Variants in ITSN2 observed in about 807,000 individuals in gnomAD.
ITSN2 encodes the protein intersectin-2.
In ITSN2, 156 loss-of-function variants were observed where a neutral mutation model predicts 243.7. The ratio of observed to expected loss-of-function variants is 0.64; its 90% confidence interval spans 0.56 to 0.73. The LOEUF (loss-of-function observed/expected upper bound fraction) is 0.73, where lower values mean the gene tolerates loss of function less well. Among genes scored for constraint, ITSN2 ranks in the 30% least tolerant of loss-of-function variants. The pLI, the probability that ITSN2 is intolerant of heterozygous loss-of-function variation, is 0.00. For synonymous variants in ITSN2, 703 were observed against 699.9 expected (o/e 1.00, Z -0.07); for missense variants, 1,801 against 1,996.1 (o/e 0.90, Z 1.86).
At chr2:24,223,796 T>A (rs1456309715) in intron 29 of ITSN2, among the ~76,000 whole-genome samples, 637 of 77,830 alleles carry the variant, frequency 8.2e-3, no homozygotes, top group Middle Eastern at 0.011. Context: ...AAGGAAGGAG[T>A]GAAAGAAGGA....
rs533791137 is a variant in ITSN2, at chr2:24,294,192, A to G, written c.1636-417T>C. On this transcript the variant is annotated intron_variant, in intron 14 of 39. Coordinates refer to ENST00000355123, the MANE Select transcript of ITSN2 (RefSeq NM_006277.3). Reference sequence around the variant, plus strand: ...TGTAATCTCAGCACTTTGGGAGGCCAAGGCAGGTGGATCACTTGAGGTCAG... The same window carrying G: ...TGTAATCTCAGCACTTTGGGAGGCCGAGGCAGGTGGATCACTTGAGGTCAG... 2.0e-5 allele frequency among the ~76,000 whole-genome samples: 3 copies of G among 152,274 alleles called. No homozygotes were observed. In the South Asian group the frequency reaches 6.2e-4, roughly 32 times the overall value.
chr2:24,330,858 G>T (rs527640259), intron 1 of ITSN2, among the ~76,000 whole-genome samples: 1 of 149,572 alleles, frequency 6.7e-6, no homozygotes, highest in African/African-American at 2.5e-5. Context: ...CCTCCACCTC[G>T]TGGGTTCACG....
Position 24,270,773 on chromosome 2 carries a change from A to G in ITSN2, c.2258-5T>C. 1 of 1,489,934 alleles carries G rather than the reference A, an allele frequency of 6.7e-7. No homozygotes were observed. Among genetic ancestry groups the G allele is most frequent in the Non-Finnish European group, 9.3e-7 (1 of 1,077,304 alleles). The allele number at this position is 1,489,934 out of a possible 1,614,324, so 92.3% of individuals were successfully genotyped here. A position where few individuals can be genotyped will look rare whatever the true frequency, so the allele number is the denominator to read the frequency against. On this transcript the variant is annotated splice_region_variant and splice_polypyrimidine_tract_variant and intron_variant, in intron 19 of 39. Coordinates refer to ENST00000355123, the MANE Select transcript of ITSN2 (RefSeq NM_006277.3). ...CCAAAACACTAGCTGTCTCACCTAA[A>G]GAGAAGACAATTGTCATTATTTGCA...
intron 24 of ITSN2, among the ~76,000 whole-genome samples, chr2:24,253,238 A>G (rs1296168844): frequency 2.0e-5 from 3 of 152,216 alleles, no homozygotes; most frequent in African/African-American, 4.8e-5. Context: ...TGATCTTAAT[A>G]TCATAAACTT....
chr2:24,308,686 G>A lies in ITSN2; in HGVS notation c.724C>T (p.Gln242Ter). Residue 242 changes from glutamine to a stop codon, truncating the protein, a stop_gained, in exon 8 of 40, where the codon CAG becomes TAG. Coordinates refer to ENST00000355123, the MANE Select transcript of ITSN2 (RefSeq NM_006277.3). LOFTEE classifies it high-confidence loss of function. ...KTGTSEWAVP[Q>*]PTRLKYRQKF... Reference sequence around the variant, plus strand: ...TGCCGATATTTTAATCTTGTAGGCTGAGGAACTGCCCACTCTGAGGTCCCA... The same window carrying A: ...TGCCGATATTTTAATCTTGTAGGCTAAGGAACTGCCCACTCTGAGGTCCCA... The A allele has an allele frequency of 6.5e-7, 1 of 1,534,630 alleles. No individual in the cohort carries two copies.
Position 24,216,242 on chromosome 2 carries a change from A to G in ITSN2, c.3807-10T>C. The stretch of plus-strand genomic sequence containing the variant: ...CCGCACCCGCAAAGCCCTGCCAAGA[A>G]CACACTCTCATTTTGTGTTTCTAAG... On this transcript the variant is annotated splice_polypyrimidine_tract_variant and intron_variant, in intron 31 of 39. Coordinates refer to ENST00000355123, the MANE Select transcript of ITSN2 (RefSeq NM_006277.3). 6.4e-7 allele frequency: 1 copy of G among 1,572,100 alleles called. No individual in the cohort carries two copies. The highest frequency in any genetic ancestry group is 1.2e-5 in the South Asian group (1 of 85,468).
At chr2:24,256,180 C>T (rs1175756773) in intron 23 of ITSN2, among the ~76,000 whole-genome samples, 4 of 152,144 alleles carry the variant, frequency 2.6e-5, no homozygotes, top group Non-Finnish European at 4.4e-5. Context: ...GCCATGATTG[C>T]GCCACTGCGC....
chr2:24,354,937 AT>A (rs1333775219), intron 1 of ITSN2, among the ~76,000 whole-genome samples: 1 of 152,210 alleles, frequency 6.6e-6, no homozygotes, highest in African/African-American at 2.4e-5. Context: ...TATCTATGAA[AT>A]TATATTTTAA....
chr2:24,336,901 G>C (rs778794523), intron 1 of ITSN2, among the ~76,000 whole-genome samples: 1 of 152,004 alleles, frequency 6.6e-6, no homozygotes, highest in East Asian at 1.9e-4. Flanking sequence ...ATATGGTTGA[G>C]ATACCAAAAA....
At chr2:24,267,171 G>C (rs1285326634) in intron 20 of ITSN2, among the ~76,000 whole-genome samples, 1 of 151,962 alleles carries the variant, frequency 6.6e-6, no homozygotes, top group Non-Finnish European at 1.5e-5. Context: ...TCACTCACAA[G>C]TGGGAGTTGA....
chr2:24,210,714 G>A (rs1669396356), intron 34 of ITSN2, 66 bp downstream of exon 34: 2 of 1,499,936 alleles, frequency 1.3e-6, no homozygotes, highest in Admixed American at 1.8e-5. Context: ...CGTGAGGGAA[G>A]GCTCGGAGCT....
intron 1 of ITSN2, among the ~76,000 whole-genome samples, chr2:24,347,433 T>C (rs939426316): frequency 1.3e-5 from 2 of 151,994 alleles, no homozygotes; most frequent in Admixed American, 1.3e-4. Flanking sequence ...ACGCCCGTAA[T>C]CCCAGCCCTT....
intron 29 of ITSN2, among the ~76,000 whole-genome samples, chr2:24,222,110 G>C (rs1670512040): frequency 6.6e-6 from 1 of 152,090 alleles, no homozygotes; most frequent in Non-Finnish European, 1.5e-5. Flanking sequence ...AAATTAGCCA[G>C]GCGTGGTGGT....
At position 24,248,664 on chromosome 2, in the gene ITSN2, T is replaced by C; in HGVS notation, c.3253A>G (p.Lys1085Glu). Residue 1085 changes from lysine (K) to glutamate (E), a missense_variant, in exon 27 of 40, where the codon AAA (lysine) becomes GAA (glutamate). Physicochemically the swap from Lys to Glu is moderately conservative, Grantham distance 56 (BLOSUM62 1). Transcript: ENST00000355123. ...APGQLILILK[K>E]NTSGWWQGEL... Reference sequence around the variant, plus strand: ...CCTTGCCACCACCCACTTGTATTTTTCTTTAGAATTAATATTAACTGTCCT... The same window carrying C: ...CCTTGCCACCACCCACTTGTATTTTCCTTTAGAATTAATATTAACTGTCCT... 6.2e-7 allele frequency: 1 copy of C among 1,611,038 alleles called. No individual in the cohort carries two copies. The highest frequency in any genetic ancestry group is 8.5e-7 in the Non-Finnish European group (1 of 1,177,984).
intron 18 of ITSN2, among the ~76,000 whole-genome samples, chr2:24,274,498 C>T (rs565289340): frequency 3.3e-5 from 5 of 152,156 alleles, no homozygotes; most frequent in East Asian, 1.9e-4. Context: ...TGCTTGAGCC[C>T]GGGAGGTCGA....
chr2:24,295,600 T>C (rs1680859370), intron 14 of ITSN2, 64 bp downstream of exon 14: 2 of 1,308,374 alleles, frequency 1.5e-6, no homozygotes, highest in Non-Finnish European at 2.0e-6. Context: ...TGAGCCACCG[T>C]GCCCAGCCCA....
At chr2:24,303,759 A>C (rs772978181) in intron 9 of ITSN2, 40 bp downstream of exon 9, 1 of 1,225,392 alleles carries the variant, frequency 8.2e-7, no homozygotes, top group South Asian at 1.2e-5. Context: ...TAATTAATGC[A>C]TAGTTAAATT....
At chr2:24,268,726 T>C (rs1305364887) in intron 20 of ITSN2, among the ~76,000 whole-genome samples, 2 of 152,112 alleles carry the variant, frequency 1.3e-5, no homozygotes, top group South Asian at 4.1e-4. Context: ...TTTCTACTAT[T>C]ATTTAAACTT....
At chr2:24,243,389 CAA>C (rs772180261) in intron 29 of ITSN2, among the ~76,000 whole-genome samples, 1 of 152,142 alleles carries the variant, frequency 6.6e-6, no homozygotes, top group Admixed American at 6.5e-5. Flanking sequence ...CAAAACCCCC[CAA>C]AAGAGTAAAA....
Sources: gnomAD v4.1 joint callset for allele counts (sites outside exome capture counted in the v4.1 genomes callset) on GRCh38, gnomAD v4.1.1 for gene constraint, MANE v1.5 for transcripts, NCBI Gene and HGNC (gene_info 2026-07-23, HGNC 2026-07-21) for gene names.